The following CMSS1 variants were observed in gnomAD, a reference collection of about 807,000 sequenced individuals.
CMSS1 encodes cms1 ribosomal small subunit homolog, also known as protein CMSS1.
In CMSS1, 33 loss-of-function variants were observed where a neutral mutation model predicts 43.5. That is an observed-to-expected ratio of 0.76 (90% confidence interval 0.57 to 1.01). The LOEUF is 1.01. Ranked by LOEUF, CMSS1 falls within the 50% of genes least tolerant of loss-of-function variation. The pLI is 0.00. For missense variants in CMSS1, 313 were observed against 326.4 expected (o/e 0.96, Z 0.32); for synonymous variants, 115 against 117.2 (o/e 0.98, Z 0.12).
At chr3:100,101,503 G>A (rs550573445) in intron 1 of CMSS1, among the ~76,000 whole-genome samples, 1 of 152,278 alleles carries the variant, frequency 6.6e-6, no homozygotes, top group South Asian at 2.1e-4. Context: ...CTTGCTTTCG[G>A]TGAAGTACTT....
chr3:99,863,817 T>C (rs1944378023), intron 1 of CMSS1, among the ~76,000 whole-genome samples: 1 of 152,204 alleles, frequency 6.6e-6, no homozygotes, highest in South Asian at 2.1e-4. Context: ...TTGTAGAGTT[T>C]CTTTATGAGT....
intron 1 of CMSS1, among the ~76,000 whole-genome samples, chr3:100,086,872 C>G (rs531666926): frequency 2.0e-5 from 3 of 152,314 alleles, no homozygotes; most frequent in East Asian, 1.9e-4. Context: ...GTCCCTCTCT[C>G]TATTCTCAAC....
intron 1 of CMSS1, among the ~76,000 whole-genome samples, chr3:100,069,016 C>T (rs141272460): frequency 1.5e-4 from 23 of 152,278 alleles, no homozygotes; most frequent in African/African-American, 5.1e-4. Context: ...CCAGATAGAA[C>T]GTTAGCAAGT....
intron 1 of CMSS1, among the ~76,000 whole-genome samples, chr3:100,007,700 G>A (rs899937999): frequency 6.6e-6 from 1 of 152,210 alleles, no homozygotes; most frequent in Non-Finnish European, 1.5e-5. Flanking sequence ...ACTGATGGAA[G>A]CTACAGTATC....
intron 1 of CMSS1, among the ~76,000 whole-genome samples, chr3:100,057,986 G>T (rs2065494374): frequency 6.6e-6 from 1 of 152,318 alleles, no homozygotes; most frequent in African/African-American, 2.4e-5. Context: ...ATTAGAGGCT[G>T]ACTCTCTGTG....
intron 1 of CMSS1, among the ~76,000 whole-genome samples, chr3:100,019,932 G>A (rs2064777344): frequency 6.6e-6 from 1 of 152,050 alleles, no homozygotes; most frequent in African/African-American, 2.4e-5. Flanking sequence ...GAGATTGAGG[G>A]CAGGGGGGAA....
intron 1 of CMSS1, among the ~76,000 whole-genome samples, chr3:100,130,421 A>C (rs1415221320): frequency 6.6e-6 from 1 of 152,082 alleles, no homozygotes; most frequent in African/African-American, 2.4e-5. Flanking sequence ...ATCTGTAAAG[A>C]CTCATATTAT....
chr3:99,964,016 C>T (rs1287466122), intron 1 of CMSS1, among the ~76,000 whole-genome samples: 2 of 152,066 alleles, frequency 1.3e-5, no homozygotes, highest in Non-Finnish European at 2.9e-5. Context: ...GCTGATTTCA[C>T]ATGACTTTAT....
chr3:99,876,230 A>G, intron 1 of CMSS1: 3 of 985,224 alleles, frequency 3.0e-6, no homozygotes, highest in Non-Finnish European at 3.6e-6. Context: ...TCTGCCTTAT[A>G]AGGCGCTCCG....
chr3:99,982,598 C>T (rs901994403), intron 1 of CMSS1, among the ~76,000 whole-genome samples: 2 of 152,178 alleles, frequency 1.3e-5, no homozygotes, highest in East Asian at 1.9e-4. Context: ...CCTACCTCAG[C>T]GTCCCAAAGT....
At chr3:100,042,634 T>C (rs977125270) in intron 1 of CMSS1, among the ~76,000 whole-genome samples, 5 of 152,234 alleles carry the variant, frequency 3.3e-5, no homozygotes, top group African/African-American at 4.8e-5. Flanking sequence ...CCATGCCAGA[T>C]GATACTGTAT....
intron 1 of CMSS1, among the ~76,000 whole-genome samples, chr3:100,111,748 T>C (rs1483655094): frequency 6.6e-6 from 1 of 152,188 alleles, no homozygotes. Flanking sequence ...AACCAGATGG[T>C]ATTAGTATGT....
chr3:99,995,547 G>A (rs1709653295), intron 1 of CMSS1, among the ~76,000 whole-genome samples: 1 of 152,188 alleles, frequency 6.6e-6, no homozygotes. Context: ...CAGTGCCCAA[G>A]TAGGGACTCT....
intron 1 of CMSS1, among the ~76,000 whole-genome samples, chr3:99,938,780 C>T (rs1164473588): frequency 1.3e-5 from 2 of 151,782 alleles, no homozygotes. Context: ...AGGTTGTGCT[C>T]ACATGGCCAG....
At chr3:99,840,569 G>C (rs571902161) in intron 1 of CMSS1, among the ~76,000 whole-genome samples, 2 of 152,304 alleles carry the variant, frequency 1.3e-5, no homozygotes, top group East Asian at 3.9e-4. Context: ...TTTGACATCT[G>C]TAAGTGGAAA....
At chr3:99,978,424 A>T (rs946534647) in intron 1 of CMSS1, among the ~76,000 whole-genome samples, 1 of 152,234 alleles carries the variant, frequency 6.6e-6, no homozygotes, top group African/African-American at 2.4e-5. Context: ...AAAATGTGGT[A>T]TATCTACACA....
intron 1 of CMSS1, among the ~76,000 whole-genome samples, chr3:100,091,738 A>G (rs1276575304): frequency 6.6e-6 from 1 of 152,246 alleles, no homozygotes; most frequent in Admixed American, 6.5e-5. Context: ...TTCTACCAGT[A>G]TCATTAGTCA....
At chr3:99,940,082 G>T (rs1246019166) in intron 1 of CMSS1, among the ~76,000 whole-genome samples, 5 of 152,166 alleles carry the variant, frequency 3.3e-5, no homozygotes, top group Non-Finnish European at 5.9e-5. Context: ...GTGAAGAAAG[G>T]ACAAAAAGAA....
intron 1 of CMSS1, chr3:99,930,748 G>GATA (rs1707451564): frequency 6.2e-6 from 10 of 1,611,014 alleles, no homozygotes; most frequent in Non-Finnish European, 8.5e-6. Context: ...GCATGATGGG[G>GATA]ATAACTCCAA....
Sources: gnomAD v4.1 joint callset for allele counts (sites outside exome capture counted in the v4.1 genomes callset) on GRCh38, gnomAD v4.1.1 for gene constraint, MANE v1.5 for transcripts, NCBI Gene and HGNC (gene_info 2026-07-23, HGNC 2026-07-21) for gene names.